DNAH12: variants seen among roughly 807,000 people sequenced by gnomAD.
DNAH12 encodes dynein axonemal heavy chain 12, also known as axonemal beta dynein heavy chain 12.
A neutral mutation model predicts 371.5 loss-of-function variants in DNAH12; 285 were observed. That is an observed-to-expected ratio of 0.77 (90% CI 0.70 to 0.85). The LOEUF is 0.85. Among genes scored for constraint, DNAH12 ranks in the 40% least tolerant of loss-of-function variants. DNAH12 has a pLI of 0.00. For synonymous variants in DNAH12, 1,200 were observed against 1,213.0 expected, an observed-to-expected ratio of 0.99 and a Z score of 0.22; for missense variants, 3,611 against 3,689.4, an observed-to-expected ratio of 0.98 and a Z score of 0.55.
intron 4 of DNAH12, among the ~76,000 whole-genome samples, chr3:57,516,361 C>T (rs2068196459): frequency 6.6e-6 from 1 of 152,088 alleles, no homozygotes; most frequent in Non-Finnish European, 1.5e-5. Flanking sequence ...CATGCCCGGC[C>T]CATGTACTGC....
chr3:57,310,526 G>T (rs1353847060), intron 67 of DNAH12, among the ~76,000 whole-genome samples, 191 bp downstream of exon 67: 1 of 152,050 alleles, frequency 6.6e-6, no homozygotes, highest in Non-Finnish European at 1.5e-5. Context: ...CCAAAAAAGG[G>T]TTAAAAATCA....
intron 17 of DNAH12, among the ~76,000 whole-genome samples, chr3:57,468,363 C>T (rs1190895890): frequency 6.6e-6 from 1 of 152,138 alleles, no homozygotes; most frequent in Non-Finnish European, 1.5e-5. Flanking sequence ...TGGCTCATGC[C>T]TGTAATCCCA....
chr3:57,296,626 T>C (rs563776194), intron 71 of DNAH12, among the ~76,000 whole-genome samples, 191 bp from the exon 72 acceptor site: 1 of 152,382 alleles, frequency 6.6e-6, no homozygotes, highest in South Asian at 2.1e-4. Flanking sequence ...TTTTATCAGA[T>C]TGTACTGTAC....
chr3:57,309,463 T>A (rs1365948894), intron 68 of DNAH12, among the ~76,000 whole-genome samples: 1 of 152,198 alleles, frequency 6.6e-6, no homozygotes, highest in Non-Finnish European at 1.5e-5. Context: ...ATAAGCCACT[T>A]TAAATTCATG....
At chr3:57,367,832 A>G (rs1194766584) in intron 56 of DNAH12, among the ~76,000 whole-genome samples, 1 of 152,194 alleles carries the variant, frequency 6.6e-6, no homozygotes, top group Non-Finnish European at 1.5e-5. Context: ...ACAGTGGTTA[A>G]GGCAATGAAG....
chr3:57,339,158 T>C (rs962382499), intron 60 of DNAH12, among the ~76,000 whole-genome samples: 3 of 152,168 alleles, frequency 2.0e-5, no homozygotes, highest in Non-Finnish European at 4.4e-5. Context: ...TGTGCTTTGT[T>C]AAACAGATGC....
chr3:57,534,873 C>T (rs544554841), intron 2 of DNAH12, among the ~76,000 whole-genome samples: 1 of 152,274 alleles, frequency 6.6e-6, no homozygotes, highest in Admixed American at 6.5e-5. Context: ...CTTCTAGTCT[C>T]TGAAGCTATA....
intron 60 of DNAH12, among the ~76,000 whole-genome samples, chr3:57,341,365 C>CA (rs1207272265): frequency 6.6e-6 from 1 of 151,886 alleles, no homozygotes; most frequent in African/African-American, 2.4e-5. Flanking sequence ...AGACTCTACC[C>CA]AAAAAACTCT....
intron 11 of DNAH12, among the ~76,000 whole-genome samples, chr3:57,497,423 A>C (rs1213312938): frequency 6.6e-6 from 1 of 152,232 alleles, no homozygotes; most frequent in African/African-American, 2.4e-5. Context: ...GAGAATCCAG[A>C]AATAGACCCA....
At chr3:57,518,414 TA>T (rs1187397424) in intron 4 of DNAH12, among the ~76,000 whole-genome samples, 1 of 151,950 alleles carries the variant, frequency 6.6e-6, no homozygotes, top group Non-Finnish European at 1.5e-5. Context: ...TAATCCCAGC[TA>T]TTTGGGAGCC....
At chr3:57,402,846 G>C (rs1382461644) in intron 43 of DNAH12, among the ~76,000 whole-genome samples, 1 of 152,160 alleles carries the variant, frequency 6.6e-6, no homozygotes, top group Non-Finnish European at 1.5e-5. Context: ...CAAAAAGATC[G>C]ATGTTCTACG....
At chr3:57,434,647 T>C (rs73074602) in intron 30 of DNAH12, among the ~76,000 whole-genome samples, 22,035 of 151,990 alleles carry the variant, frequency 0.14, 1,625 homozygotes, top group South Asian at 0.21. Flanking sequence ...AGATTGTGAG[T>C]GACAAATTAA....
rs999070515 is a variant in DNAH12, at chr3:57,373,124, C to A, written c.8759+2247G>T. On this transcript the variant is annotated intron_variant, in intron 55 of 73. Coordinates refer to ENST00000495027, the MANE Select transcript of DNAH12 (RefSeq NM_001366028.2). The stretch of plus-strand genomic sequence containing the variant: ...AACTGTAAAAAGTACACTGCTTTTC[C>A]AGGTCATGACTCTTTTTCTGAGAAC... 7.5e-4 allele frequency among the ~76,000 whole-genome samples: 114 copies of A among 151,978 alleles called. No individual in the cohort carries two copies. In the East Asian group the frequency reaches 0.017, roughly 23 times the overall value.
chr3:57,447,127 T>C (rs1320514481), intron 25 of DNAH12, among the ~76,000 whole-genome samples: 1 of 152,218 alleles, frequency 6.6e-6, no homozygotes, highest in African/African-American at 2.4e-5. Context: ...TATTATATAA[T>C]TTTGTCTACG....
At chr3:57,334,444 T>A (rs747848235) in intron 62 of DNAH12, 21 bp downstream of exon 62, 2 of 1,534,480 alleles carry the variant, frequency 1.3e-6, no homozygotes, top group Non-Finnish European at 1.8e-6. Flanking sequence ...GGGTTCCAAA[T>A]AGAACACATT....
chr3:57,310,971 A>C (rs1483894336), intron 66 of DNAH12, 21 bp from the exon 67 acceptor site: 5 of 1,478,256 alleles, frequency 3.4e-6, no homozygotes, highest in Non-Finnish European at 4.6e-6. Flanking sequence ...GGAAAAATGA[A>C]ACAAGAAAAA....
At chr3:57,482,836 A>G (rs950207932) in intron 13 of DNAH12, among the ~76,000 whole-genome samples, 4 of 147,092 alleles carry the variant, frequency 2.7e-5, no homozygotes, top group African/African-American at 1.0e-4. Context: ...AAAACTAAAC[A>G]CCGCATGTTC....
intron 60 of DNAH12, among the ~76,000 whole-genome samples, chr3:57,348,898 T>C (rs1553659103): frequency 6.6e-6 from 1 of 152,034 alleles, no homozygotes; most frequent in Non-Finnish European, 1.5e-5. Context: ...TATATGGAAA[T>C]GCAAAGATCC....
intron 11 of DNAH12, 48 bp downstream of exon 11, chr3:57,501,273 T>C (rs953572012): frequency 1.3e-5 from 18 of 1,407,556 alleles, no homozygotes; most frequent in Non-Finnish European, 1.6e-5. Flanking sequence ...GATCCTAATG[T>C]TACAAAAAAA....
Sources: gnomAD v4.1 joint callset for allele counts (sites outside exome capture counted in the v4.1 genomes callset) on GRCh38, gnomAD v4.1.1 for gene constraint, MANE v1.5 for transcripts, NCBI Gene and HGNC (gene_info 2026-07-23, HGNC 2026-07-21) for gene names.